Variants in SIGLECL1 observed in about 807,000 individuals in gnomAD.
SIGLECL1 encodes the protein SIGLEC family like 1.
Under a neutral mutation model 19.1 loss-of-function variants are expected in SIGLECL1, and 16 were observed. The observed-to-expected ratio is 0.84, with a 90% CI of 0.57 to 1.27. SIGLECL1 has a LOEUF of 1.27. Ranked by LOEUF, SIGLECL1 falls within the 50% of genes most tolerant of loss-of-function variation. The probability of loss-of-function intolerance (pLI) is 0.00; values close to 1 mark genes in which losing one functional copy is unlikely to be tolerated. For synonymous variants in SIGLECL1, 89 were observed against 90.4 expected, an observed-to-expected ratio of 0.98 and a Z score of 0.09; for missense variants, 210 against 239.4, an observed-to-expected ratio of 0.88 and a Z score of 0.81.
intron 1 of SIGLECL1, among the ~76,000 whole-genome samples, chr19:51,254,800 T>C (rs1477397510): frequency 1.3e-5 from 2 of 152,110 alleles, no homozygotes; most frequent in Non-Finnish European, 2.9e-5. Flanking sequence ...TTATGGTATA[T>C]GAATTATAGC....
intron 1 of SIGLECL1, among the ~76,000 whole-genome samples, chr19:51,259,175 A>G (rs981970869): frequency 4.3e-5 from 6 of 139,868 alleles, no homozygotes; most frequent in African/African-American, 1.6e-4. Flanking sequence ...AATAGCATCT[A>G]TGGTTAGATT....
intron 1 of SIGLECL1, among the ~76,000 whole-genome samples, chr19:51,251,775 T>C (rs1438662254): frequency 6.6e-6 from 1 of 152,204 alleles, no homozygotes; most frequent in African/African-American, 2.4e-5. Context: ...CATTGTTAGT[T>C]ATCCTGGCTT....
chr19:51,266,944 G>T (rs1983723245), intron 4 of SIGLECL1, among the ~76,000 whole-genome samples: 1 of 152,124 alleles, frequency 6.6e-6, no homozygotes, highest in Admixed American at 6.5e-5. Context: ...GCAGGAAGCT[G>T]GTGCAGGGGA....
chr19:51,251,942 A>G (rs1281674792), intron 1 of SIGLECL1, among the ~76,000 whole-genome samples: 1 of 152,212 alleles, frequency 6.6e-6, no homozygotes, highest in African/African-American at 2.4e-5. Flanking sequence ...AGCCCTTTGG[A>G]ACAAGAGACA....
intron 1 of SIGLECL1, among the ~76,000 whole-genome samples, chr19:51,258,617 C>G (rs953981642): frequency 6.6e-6 from 1 of 152,124 alleles, no homozygotes; most frequent in African/African-American, 2.4e-5. Context: ...CTCTGGCCAG[C>G]CTGAGCTACA....
At chr19:51,259,512 T>C (rs1983053271) in intron 1 of SIGLECL1, among the ~76,000 whole-genome samples, 1 of 152,210 alleles carries the variant, frequency 6.6e-6, no homozygotes, top group South Asian at 2.1e-4. Flanking sequence ...TTGCTTTATT[T>C]AGGCAGACTG....
chr19:51,263,522 A>G (rs1983388324), intron 1 of SIGLECL1, among the ~76,000 whole-genome samples: 2 of 152,180 alleles, frequency 1.3e-5, no homozygotes, highest in South Asian at 4.1e-4. Context: ...CTGTAATCTC[A>G]GCTGTTTGGG....
At chr19:51,246,361 C>T (rs893173461), upstream of SIGLECL1, 2 of 152,172 alleles carry the variant, frequency 1.3e-5, no homozygotes, top group African/African-American at 4.8e-5. Context: ...GAATCTGCTT[C>T]GAAAGGGATC....
At chr19:51,252,678 T>C (rs528871549) in intron 1 of SIGLECL1, among the ~76,000 whole-genome samples, 38 of 152,286 alleles carry the variant, frequency 2.5e-4, no homozygotes, top group African/African-American at 9.1e-4. Context: ...GGGCGATATC[T>C]TTTTTATGTG....
In SIGLECL1 at chr19:51,265,060, A is replaced by G. The variant is rs574411788; in HGVS notation, c.23-308A>G. Among the ~76,000 whole-genome samples the G allele has an allele frequency of 1.2e-4, 19 of 152,318 alleles. No individual in the cohort carries two copies. In the East Asian group the frequency reaches 3.3e-3, roughly 26 times the overall value. ...CCTAAGAGGAACATTGCAGGTGGGA[A>G]GAAGAGAAGCAGAGTAGGAGGTCTG... On this transcript the variant is annotated intron_variant, in intron 2 of 5. Transcript: ENST00000601727.
upstream of SIGLECL1, among the ~76,000 whole-genome samples, chr19:51,249,067 G>A (rs1335062361): frequency 6.6e-6 from 1 of 152,046 alleles, no homozygotes; most frequent in Non-Finnish European, 1.5e-5. Flanking sequence ...GTATGATAAG[G>A]TTCCTATAAA....
intron 1 of SIGLECL1, among the ~76,000 whole-genome samples, chr19:51,262,597 A>C (rs1244956316): frequency 6.6e-6 from 1 of 152,224 alleles, no homozygotes; most frequent in Non-Finnish European, 1.5e-5. Context: ...TTCTTCACAC[A>C]GCACTGTTCT....
rs1983866252 is a variant in SIGLECL1 at position 51,268,922 on chromosome 19, C to T, written c.*325C>T. 3 of 263,232 alleles carry T rather than the reference C, an allele frequency of 1.1e-5. No homozygotes were observed. In the South Asian group the frequency reaches 2.2e-4, roughly 19 times the overall value. The allele number at this position is 263,232 out of a possible 1,614,324, so 16.3% of individuals were successfully genotyped here. A position where few individuals can be genotyped will look rare whatever the true frequency, so the allele number is the denominator to read the frequency against. On this transcript the variant is annotated 3_prime_UTR_variant, in exon 6 of 6. Transcript: ENST00000601727. ...ATACATGTGACAATATGAATCAAGTCCATCAGCAAGTTACTTTTGAGCGCC... is the reference window on the plus strand; with the variant it reads ...ATACATGTGACAATATGAATCAAGTTCATCAGCAAGTTACTTTTGAGCGCC...
At chr19:51,264,318 G>T in intron 2 of SIGLECL1, 4 of 513,176 alleles carry the variant, frequency 7.8e-6, no homozygotes, top group Non-Finnish European at 1.0e-5. Context: ...GAGGGATGGA[G>T]AGTGTAGGTG....
chr19:51,247,592 T>A (rs575935448), upstream of SIGLECL1, among the ~76,000 whole-genome samples: 1 of 152,260 alleles, frequency 6.6e-6, no homozygotes, highest in Non-Finnish European at 1.5e-5. Context: ...CTAATTTTTG[T>A]ATTTTTAGTA....
In SIGLECL1 at chr19:51,268,232, C is replaced by T. The variant is rs530363376; in HGVS notation, c.568-339C>T. Among the ~76,000 whole-genome samples the T allele has an allele frequency of 5.3e-5, 8 of 152,134 alleles. No individual in the cohort carries two copies. The South Asian group carries it at 1.5e-3, about 28-fold the overall frequency. On this transcript the variant is annotated intron_variant, in intron 5 of 5. Transcript: ENST00000601727. ...GTCCTCAGAGAGCAACTAGACTGGT[C>T]GAGAAGGCACCTTCACAGTAGGGGA...
chr19:51,254,390 C>T (rs919224090), intron 1 of SIGLECL1, among the ~76,000 whole-genome samples: 5 of 150,818 alleles, frequency 3.3e-5, no homozygotes, highest in African/African-American at 1.2e-4. Flanking sequence ...AACCCAAATG[C>T]CATCAACTGA....
In SIGLECL1 at chr19:51,267,374, G is replaced by A; in HGVS notation, c.412G>A (p.Val138Met). ...CCAATCCAAGGCTTATTTCCTTAGA[G>A]TGAAACATATCAGAAAGAAGCAGGC... ...LLFLCLLPLI[V>M]KHIRKKQAKK... Residue 138 changes from valine to methionine, a missense_variant and splice_region_variant, in exon 5 of 6, where the codon GTG (valine) becomes ATG (methionine). Physicochemically the swap from Val to Met is conservative, Grantham distance 21. Coordinates refer to ENST00000601727, the MANE Select transcript of SIGLECL1 (RefSeq NM_001385465.1). 2 of 1,611,350 alleles carry A rather than the reference G, an allele frequency of 1.2e-6. No individual in the cohort carries two copies. Among genetic ancestry groups the A allele is most frequent in the South Asian group, 1.1e-5 (1 of 91,078 alleles).
chr19:51,253,117 A>T (rs559354922), intron 1 of SIGLECL1, among the ~76,000 whole-genome samples: 4 of 145,440 alleles, frequency 2.8e-5, no homozygotes, highest in African/African-American at 1.0e-4. Context: ...TTAAAAAAAA[A>T]CAAAAAAAAA....
Sources: allele counts gnomAD v4.1 joint callset (sites outside exome capture counted in the v4.1 genomes callset), GRCh38; gene constraint gnomAD v4.1.1; transcripts MANE v1.5; gene names NCBI Gene and HGNC (gene_info 2026-07-23, HGNC 2026-07-21).